RSBN1L: variants seen among roughly 807,000 people sequenced by gnomAD.
RSBN1L encodes the protein round spermatid basic protein 1 like.
In RSBN1L, 30 loss-of-function variants were observed where a neutral mutation model predicts 67.7. The observed-to-expected ratio is 0.44, with a 90% CI of 0.33 to 0.60. The LOEUF is 0.60. Ranked by LOEUF, RSBN1L falls within the 20% of genes least tolerant of loss-of-function variation. The pLI is 0.02. For synonymous variants in RSBN1L, 433 were observed against 387.0 expected (o/e 1.12, Z -1.39); for missense variants, 992 against 1,031.7 (o/e 0.96, Z 0.53).
At position 77,779,449 on chromosome 7, in the gene RSBN1L, TATATATATATAA is replaced by T. The variant is rs1791965531; in HGVS notation, c.*293_*304del. 1 of 149,000 alleles carries T rather than the reference TATATATATATAA, an allele frequency of 6.7e-6. No individual in the cohort carries two copies. Among genetic ancestry groups the T allele is most frequent in the Non-Finnish European group, 1.5e-5 (1 of 67,600 alleles). The allele number at this position is 149,000 out of a possible 1,614,324, so 9.2% of individuals were successfully genotyped here. Reference sequence around the variant, plus strand: ...AGAATAGAGCTGACATTAACATATATATATATATATAAATATATATATATATTTTGTAATATG... The same window carrying T: ...AGAATAGAGCTGACATTAACATATATATATATATATATATTTTGTAATATG... On this transcript the variant is annotated 3_prime_UTR_variant, in exon 8 of 8. Coordinates refer to ENST00000334955, the MANE Select transcript of RSBN1L (RefSeq NM_198467.3).
intron 5 of RSBN1L, among the ~76,000 whole-genome samples, 194 bp from the exon 6 acceptor site, chr7:77,772,953 G>A (rs953762374): frequency 6.6e-6 from 1 of 152,086 alleles, no homozygotes; most frequent in Non-Finnish European, 1.5e-5. Context: ...CCTTACAACT[G>A]TTCCTGTTGT....
chr7:77,774,442 G>A (rs1791885435), intron 6 of RSBN1L, among the ~76,000 whole-genome samples: 1 of 151,968 alleles, frequency 6.6e-6, no homozygotes, highest in Non-Finnish European at 1.5e-5. Flanking sequence ...ACAAAAATTA[G>A]CTGGGGCCAG....
At position 77,773,161 on chromosome 7, in the gene RSBN1L, T is replaced by TA; in HGVS notation, c.1646dup (p.Asn549LysfsTer10). 1 of 1,583,628 alleles carries TA rather than the reference T, an allele frequency of 6.3e-7. No individual in the cohort carries two copies. Among genetic ancestry groups the TA allele is most frequent in the Non-Finnish European group, 8.6e-7 (1 of 1,168,476 alleles). Reference sequence around the variant, plus strand: ...TTAAAAAACAGAACTACCAATGAAATAAAAAATCTTCAGTACCTACCTCGA... The same window carrying TA: ...TTAAAAAACAGAACTACCAATGAAATAAAAAAATCTTCAGTACCTACCTCGA... On this transcript the variant is annotated frameshift_variant, in exon 6 of 8. Transcript: ENST00000334955. LOFTEE classifies it high-confidence loss of function.
Position 77,779,182 on chromosome 7 carries a change from A to G in RSBN1L, c.*14A>G, listed in dbSNP as rs770636180. 1.1e-5 allele frequency: 17 copies of G among 1,536,824 alleles called. No individual in the cohort carries two copies. Among genetic ancestry groups the G allele is most frequent in the Non-Finnish European group, 1.4e-5 (16 of 1,142,678 alleles). ...ATTTTGTGCTAAATTTGCATATACC[A>G]TCTAAAATCCTTTTTTAAAAAAATT... On this transcript the variant is annotated 3_prime_UTR_variant, in exon 8 of 8. Transcript: ENST00000334955.
Position 77,696,740 on chromosome 7 carries a change from C to G in RSBN1L, c.271C>G (p.Leu91Val). ...CCCCGCGTCTTGGAGCTTTGCCCCT[C>G]TGTCTGCTGCTCCCTCCCCGTCCTC... ...GSPASWSFAPLSAAPSPSSSR... is the reference protein window; with the variant it reads ...GSPASWSFAPVSAAPSPSSSR... The change falls in exon 1 of 8, where the codon CTG becomes GTG. Residue 91 changes from leucine to valine, a missense_variant. Coordinates refer to ENST00000334955, the MANE Select transcript of RSBN1L (RefSeq NM_198467.3). 1.2e-6 allele frequency: 2 copies of G among 1,613,796 alleles called. No individual in the cohort carries two copies. The highest frequency in any genetic ancestry group is 1.1e-5 in the South Asian group (1 of 91,082).
At chr7:77,717,240 C>T (rs1017875499) in intron 1 of RSBN1L, among the ~76,000 whole-genome samples, 2 of 152,052 alleles carry the variant, frequency 1.3e-5, no homozygotes, top group Admixed American at 6.5e-5. Flanking sequence ...TGTGCCTGGC[C>T]GTAGTCTTAT....
chr7:77,747,797 T>A (rs533032399), intron 2 of RSBN1L, among the ~76,000 whole-genome samples: 1 of 152,136 alleles, frequency 6.6e-6, no homozygotes, highest in African/African-American at 2.4e-5. Flanking sequence ...TCCATTCTTA[T>A]ACTGCTATAA....
chr7:77,777,838 C>A (rs1330444968), intron 6 of RSBN1L, among the ~76,000 whole-genome samples: 1 of 151,902 alleles, frequency 6.6e-6, no homozygotes, highest in African/African-American at 2.4e-5. Flanking sequence ...TCAGCAAATA[C>A]CAAGTTTATT....
intron 1 of RSBN1L, among the ~76,000 whole-genome samples, chr7:77,701,109 G>A (rs1220615322): frequency 5.7e-5 from 6 of 105,224 alleles, no homozygotes; most frequent in African/African-American, 1.3e-4. Flanking sequence ...CTGAGATGGC[G>A]TCACTGTACT....
At chr7:77,703,477 GTTTTTTTTTTTTTT>G (rs71529102) in intron 1 of RSBN1L, among the ~76,000 whole-genome samples, 13 of 61,606 alleles carry the variant, frequency 2.1e-4, no homozygotes, top group Admixed American at 1.2e-3. Context: ...TACTGTTTGG[GTTTTTTTTTTTTTT>G]TTTTTTTTTT....
intron 6 of RSBN1L, among the ~76,000 whole-genome samples, chr7:77,776,088 G>T (rs912324371): frequency 6.6e-6 from 1 of 152,198 alleles, no homozygotes; most frequent in African/African-American, 2.4e-5. Flanking sequence ...TGTTGTTAGG[G>T]ATATAGTGCT....
chr7:77,714,253 T>C (rs1229399350), intron 1 of RSBN1L, among the ~76,000 whole-genome samples: 1 of 152,250 alleles, frequency 6.6e-6, no homozygotes, highest in Non-Finnish European at 1.5e-5. Flanking sequence ...AAAATAGATT[T>C]GCCCTTTTTA....
chr7:77,747,582 G>A (rs1791501453), intron 2 of RSBN1L, among the ~76,000 whole-genome samples: 1 of 152,200 alleles, frequency 6.6e-6, no homozygotes, highest in Non-Finnish European at 1.5e-5. Context: ...TATTAAGCCT[G>A]CCAGTACACA....
intron 1 of RSBN1L, among the ~76,000 whole-genome samples, chr7:77,709,253 A>G (rs951716444): frequency 4.0e-5 from 6 of 150,904 alleles, no homozygotes; most frequent in Admixed American, 3.3e-4. Flanking sequence ...ACCCTTTTAG[A>G]ACTCTCCTTA....
At chr7:77,733,101 C>G (rs1160693793) in intron 1 of RSBN1L, among the ~76,000 whole-genome samples, 1 of 152,012 alleles carries the variant, frequency 6.6e-6, no homozygotes, top group East Asian at 1.9e-4. Context: ...CGAGACCAAC[C>G]TCAGCAACAT....
chr7:77,782,825 T>A lies in RSBN1L; in HGVS notation c.*3657T>A, dbSNP rs1251304759. On this transcript the variant is annotated 3_prime_UTR_variant, in exon 8 of 8. Coordinates refer to ENST00000334955, the MANE Select transcript of RSBN1L (RefSeq NM_198467.3). Reference sequence around the variant, plus strand: ...TTTTTTCCCAAATACTTATGGCAGATAAGAGCATTTTTGTAAATAATAAAC... The same window carrying A: ...TTTTTTCCCAAATACTTATGGCAGAAAAGAGCATTTTTGTAAATAATAAAC... The A allele has an allele frequency of 1.3e-5, 2 of 152,214 alleles. No homozygotes were observed. The highest frequency in any genetic ancestry group is 2.4e-5 in the African/African-American group (1 of 41,458). 9.4% of individuals were successfully genotyped at this position (152,214 alleles called of 1,614,324 possible). A position where few individuals can be genotyped will look rare whatever the true frequency, so the allele number is the denominator to read the frequency against.
At chr7:77,755,592 TGGA>T (rs1364344350) in intron 3 of RSBN1L, among the ~76,000 whole-genome samples, 1 of 152,042 alleles carries the variant, frequency 6.6e-6, no homozygotes, top group Non-Finnish European at 1.5e-5. Flanking sequence ...ACTTGAGCCC[TGGA>T]GGCGGAGGTT....
chr7:77,776,221 T>C (rs1791912631), intron 6 of RSBN1L, among the ~76,000 whole-genome samples: 1 of 144,398 alleles, frequency 6.9e-6, no homozygotes, highest in South Asian at 2.2e-4. Context: ...TGCCTGTTTT[T>C]CCTGTCAGTT....
intron 2 of RSBN1L, among the ~76,000 whole-genome samples, chr7:77,742,467 T>C (rs1791426413): frequency 6.6e-6 from 1 of 152,108 alleles, no homozygotes. Flanking sequence ...TTCTTGGACA[T>C]TGGTCATATA....
Sources: allele counts gnomAD v4.1 joint callset (sites outside exome capture counted in the v4.1 genomes callset), GRCh38; gene constraint gnomAD v4.1.1; transcripts MANE v1.5; gene names NCBI Gene and HGNC (gene_info 2026-07-23, HGNC 2026-07-21).